Variants in WDTC1 observed in about 807,000 individuals in gnomAD.
The protein encoded by WDTC1 is WD and tetratricopeptide repeats protein 1.
In WDTC1, 12 loss-of-function variants were observed where a neutral mutation model predicts 76.0. The ratio of observed to expected loss-of-function variants is 0.16; its 90% confidence interval spans 0.10 to 0.26. The LOEUF (loss-of-function observed/expected upper bound fraction) is 0.26. Among genes scored for constraint, WDTC1 ranks in the 10% least tolerant of loss-of-function variants. The pLI is 1.00. For missense variants in WDTC1, 511 were observed against 908.8 expected, an observed-to-expected ratio of 0.56 and a Z score of 5.63; for synonymous variants, 326 against 350.8, an observed-to-expected ratio of 0.93 and a Z score of 0.79.
chr1:27,261,682 T>C (rs7521203), intron 2 of WDTC1, among the ~76,000 whole-genome samples: 5,367 of 152,242 alleles, frequency 0.035, 136 homozygotes, highest in Middle Eastern at 0.051. Flanking sequence ...ATGCAATACA[T>C]TAAACCAAGG....
At chr1:27,235,459 G>GC (rs1191427949) in intron 1 of WDTC1, among the ~76,000 whole-genome samples, 2 of 148,942 alleles carry the variant, frequency 1.3e-5, no homozygotes, top group African/African-American at 5.0e-5. Context: ...GCCTTCAGTG[G>GC]CCCATCCTGG....
At chr1:27,249,586 A>C (rs2011966944) in intron 1 of WDTC1, among the ~76,000 whole-genome samples, 1 of 151,588 alleles carries the variant, frequency 6.6e-6, no homozygotes, top group African/African-American at 2.4e-5. Context: ...GCTGCTCTAA[A>C]CTTTTTTTTT....
intron 3 of WDTC1, among the ~76,000 whole-genome samples, chr1:27,268,546 G>A (rs992283094): frequency 2.6e-5 from 4 of 151,662 alleles, no homozygotes; most frequent in African/African-American, 9.7e-5. Context: ...AGCCTCCCAA[G>A]TAGCTGTGAT....
In WDTC1 at chr1:27,268,872, A is replaced by G. The variant is rs1254951633; in HGVS notation, c.132+5637A>G. 8.8e-5 allele frequency among the ~76,000 whole-genome samples: 13 copies of G among 148,016 alleles called. No homozygotes were observed. The East Asian group carries it at 1.0e-3, about 12-fold the overall frequency. On this transcript the variant is annotated intron_variant, in intron 3 of 15. Coordinates refer to ENST00000319394, the MANE Select transcript of WDTC1 (RefSeq NM_001276252.2). ...TGGGACTACAGGTGCACGCCACCACACCCAGCTAATTTTTGTATTTTTAGT... is the reference window on the plus strand; with the variant it reads ...TGGGACTACAGGTGCACGCCACCACGCCCAGCTAATTTTTGTATTTTTAGT...
chr1:27,272,051 G>T (rs2012884738), intron 3 of WDTC1, among the ~76,000 whole-genome samples: 2 of 150,636 alleles, frequency 1.3e-5, no homozygotes, highest in Non-Finnish European at 3.0e-5. Flanking sequence ...TTCGAGACCA[G>T]CCTGGCCAAC....
intron 7 of WDTC1, among the ~76,000 whole-genome samples, chr1:27,293,002 T>C (rs2013579787): frequency 1.3e-5 from 2 of 149,678 alleles, no homozygotes. Flanking sequence ...TCTGCCCGCC[T>C]CGGCCTCCCA....
At chr1:27,259,981 G>A (rs1156636616) in intron 1 of WDTC1, among the ~76,000 whole-genome samples, 1 of 152,130 alleles carries the variant, frequency 6.6e-6, no homozygotes, top group Non-Finnish European at 1.5e-5. Flanking sequence ...AGGCTACAGT[G>A]AGCCATGATC....
At chr1:27,253,608 A>C (rs1457479631) in intron 1 of WDTC1, among the ~76,000 whole-genome samples, 2 of 150,244 alleles carry the variant, frequency 1.3e-5, no homozygotes, top group Non-Finnish European at 3.0e-5. Context: ...CTGCCTCCCA[A>C]AATGCTGGGA....
chr1:27,296,876 C>T (rs975189597), intron 10 of WDTC1, among the ~76,000 whole-genome samples, 172 bp from the exon 11 acceptor site: 7 of 146,984 alleles, frequency 4.8e-5, no homozygotes, highest in Admixed American at 6.8e-5. Flanking sequence ...CAGCAGAGGG[C>T]GCACGGGCTT....
rs1425850125 is a variant in WDTC1 at position 27,307,318 on chromosome 1, CTGCTCTGAGGGGAGAGGGG to C, written c.*938_*956del. ...AGTGATGGCTTTTCTCTGTCCCCTGCTGCTCTGAGGGGAGAGGGGTGGGTCTCCTGAGCCACTCAGATGG... is the reference window on the plus strand; with the variant it reads ...AGTGATGGCTTTTCTCTGTCCCCTGCTGGGTCTCCTGAGCCACTCAGATGG... On this transcript the variant is annotated 3_prime_UTR_variant, in exon 16 of 16. Transcript: ENST00000319394. This position sits in a 1 kb window ranked among gnomAD's most constrained non-coding sequence, Gnocchi z 4.1. 1 of 153,036 alleles carries C rather than the reference CTGCTCTGAGGGGAGAGGGG, an allele frequency of 6.5e-6. No homozygotes were observed. Among genetic ancestry groups the C allele is most frequent in the African/African-American group, 2.4e-5 (1 of 41,418 alleles). The allele number at this position is 153,036 out of a possible 1,614,324, so 9.5% of individuals were successfully genotyped here. A position where few individuals can be genotyped will look rare whatever the true frequency, so the allele number is the denominator to read the frequency against.
chr1:27,240,037 C>T (rs371657251), intron 1 of WDTC1, among the ~76,000 whole-genome samples: 3 of 151,664 alleles, frequency 2.0e-5, no homozygotes, highest in Non-Finnish European at 4.4e-5. Context: ...TATAGGTGCG[C>T]GCCACCATGC....
chr1:27,304,396 G>A (rs2013904146), intron 14 of WDTC1: 1 of 157,248 alleles, frequency 6.4e-6, no homozygotes, highest in Non-Finnish European at 1.4e-5. Flanking sequence ...GATCGCTTGA[G>A]CCCAGGAGTT....
At position 27,252,887 on chromosome 1, in the gene WDTC1, T is replaced by G. The variant is rs1173122693; in HGVS notation, c.-99-8069T>G. On this transcript the variant is annotated intron_variant, in intron 1 of 15. Transcript: ENST00000319394. ...TCCATTACAGTTTTCTAAGTTGTCT[T>G]TCTTATTCTACTATGATGTGTTTAG... Among the ~76,000 whole-genome samples, 3 of 152,222 alleles carry G rather than the reference T, an allele frequency of 2.0e-5. No individual in the cohort carries two copies. The East Asian group carries it at 5.8e-4, about 29-fold the overall frequency.
chr1:27,296,785 A>ACCCTAGCTTCAGCCCCAG lies in WDTC1; in HGVS notation c.950-256_950-255insTTCAGCCCCAGCCCTAGC, dbSNP rs2013700382. On this transcript the variant is annotated intron_variant, in intron 10 of 15. Coordinates refer to ENST00000319394, the MANE Select transcript of WDTC1 (RefSeq NM_001276252.2). ...AGCCCCAGCCCTAGCCCCAGCCCCA[A>ACCCTAGCTTCAGCCCCAG]CCCTAGCCCCAGCCCCAGCCCTAGC... Among the ~76,000 whole-genome samples the ACCCTAGCTTCAGCCCCAG allele has an allele frequency of 3.4e-5, 3 of 88,684 alleles. No individual in the cohort carries two copies. In the Admixed American group the frequency reaches 3.9e-4, roughly 11 times the overall value. 58.2% of individuals were successfully genotyped at this position (88,684 alleles called of 152,430 possible).
chr1:27,251,417 T>TG (rs2012056024), intron 1 of WDTC1, among the ~76,000 whole-genome samples: 1 of 152,102 alleles, frequency 6.6e-6, no homozygotes, highest in African/African-American at 2.4e-5. Flanking sequence ...TTCTGTGCCT[T>TG]AAGTATTTTT....
At chr1:27,289,539 G>A (rs2013465639) in intron 6 of WDTC1, among the ~76,000 whole-genome samples, 1 of 151,488 alleles carries the variant, frequency 6.6e-6, no homozygotes, top group African/African-American at 2.4e-5. Context: ...CATCCCAGAC[G>A]ATGGGCGGCC....
chr1:27,298,104 C>T lies in WDTC1; in HGVS notation c.1225C>T (p.Arg409Cys). The T allele has an allele frequency of 6.2e-7, 1 of 1,607,148 alleles. No homozygotes were observed. Among genetic ancestry groups the T allele is most frequent in the Non-Finnish European group, 8.5e-7 (1 of 1,175,512 alleles). ...YGNRAAAYMK[R>C]KWDGDHYDAL... ...AAACCGAGCAGCAGCCTACATGAAGCGCAAGTGGTGAGTGGCCACTGCAGA... is the reference window on the plus strand; with the variant it reads ...AAACCGAGCAGCAGCCTACATGAAGTGCAAGTGGTGAGTGGCCACTGCAGA... The change falls in exon 12 of 16, where the codon CGC becomes TGC. Residue 409 changes from arginine to cysteine, a missense_variant. Physicochemically the swap from Arg to Cys is radical, Grantham distance 180 (BLOSUM62 -3). Coordinates refer to ENST00000319394, the MANE Select transcript of WDTC1 (RefSeq NM_001276252.2).
chr1:27,302,677 G>A (rs2147994000), intron 13 of WDTC1, among the ~76,000 whole-genome samples: 1 of 152,194 alleles, frequency 6.6e-6, no homozygotes, highest in Non-Finnish European at 1.5e-5. Flanking sequence ...GGAGGTCAAG[G>A]CTACAGTGAG....
At chr1:27,294,192 C>G (rs2013620668) in intron 8 of WDTC1, 76 bp downstream of exon 8, 1 of 1,466,526 alleles carries the variant, frequency 6.8e-7, no homozygotes, top group African/African-American at 1.4e-5. Flanking sequence ...AGGGAGACAG[C>G]ATGGCATGGT....
Sources: allele counts gnomAD v4.1 joint callset (sites outside exome capture counted in the v4.1 genomes callset), GRCh38; gene constraint gnomAD v4.1.1; non-coding constraint Gnocchi (gnomAD v3.1); transcripts MANE v1.5; gene names NCBI Gene and HGNC (gene_info 2026-07-23, HGNC 2026-07-21).